Variants in AKR1C3 observed in about 807,000 individuals in gnomAD.
AKR1C3 encodes the protein aldo-keto reductase family 1 member C3.
AKR1C3 carries 48 observed loss-of-function variants against 43.6 expected under a neutral mutation model. The observed-to-expected ratio is 1.10, with a 90% CI of 0.87 to 1.40. AKR1C3 has a LOEUF of 1.40. Ranked by LOEUF, AKR1C3 falls within the 40% of genes most tolerant of loss-of-function variation. The probability of loss-of-function intolerance (pLI) is 0.00; values close to 1 mark genes in which losing one functional copy is unlikely to be tolerated. For missense variants in AKR1C3, 482 were observed against 391.2 expected, an observed-to-expected ratio of 1.23 and a Z score of -1.96; for synonymous variants, 162 against 139.6, an observed-to-expected ratio of 1.16 and a Z score of -1.13.
chr10:5,105,442 T>C (rs1346831574), intron 7 of AKR1C3, 153 bp from the exon 8 acceptor site: 4 of 561,226 alleles, frequency 7.1e-6, no homozygotes, highest in East Asian at 5.9e-5. Context: ...TCGTGAGCTA[T>C]TCATTGACCC....
rs782456698 is a variant in AKR1C3 at position 5,098,859 on chromosome 10, G to A, written c.427G>A (p.Asp143Asn). Reference sequence around the variant, plus strand: ...TGGAAAAGTAATATTTGACATAGTGGATCTCTGTACCACCTGGGAGGTGAG... The same window carrying A: ...TGGAAAAGTAATATTTGACATAGTGAATCTCTGTACCACCTGGGAGGTGAG... ...ENGKVIFDIVDLCTTWEAMEK... is the reference protein window; with the variant it reads ...ENGKVIFDIVNLCTTWEAMEK... The change falls in exon 4 of 9, where the codon GAT (aspartate) becomes AAT (asparagine). Residue 143 changes from aspartate to asparagine, a missense_variant. Coordinates refer to ENST00000380554, the MANE Select transcript of AKR1C3 (RefSeq NM_003739.6). The A allele has an allele frequency of 1.5e-5, 24 of 1,613,442 alleles. No individual in the cohort carries two copies. Among genetic ancestry groups the A allele is most frequent in the Non-Finnish European group, 1.9e-5 (23 of 1,179,736 alleles).
At chr10:5,054,888 C>G (rs9794415) in intron 1 of AKR1C3, among the ~76,000 whole-genome samples, 34,138 of 152,152 alleles carry the variant, frequency 0.22, 4,302 homozygotes, top group Non-Finnish European at 0.28. Context: ...ATGGATTTGA[C>G]AGTGTAAGAC....
At chr10:5,064,824 G>T (rs1362215388) in intron 1 of AKR1C3, among the ~76,000 whole-genome samples, 1 of 150,892 alleles carries the variant, frequency 6.6e-6, no homozygotes, top group African/African-American at 2.4e-5. Flanking sequence ...AAACCACAAT[G>T]AGATACCATC....
chr10:5,101,502 G>C (rs1554785975), intron 5 of AKR1C3, among the ~76,000 whole-genome samples: 2 of 152,204 alleles, frequency 1.3e-5, no homozygotes, highest in East Asian at 3.9e-4. Context: ...AATTTCCTAA[G>C]AGATTACTAT....
intron 1 of AKR1C3, among the ~76,000 whole-genome samples, chr10:5,055,854 G>A (rs374662178): frequency 8.5e-5 from 13 of 152,298 alleles, no homozygotes; most frequent in Middle Eastern, 3.4e-3. Flanking sequence ...TGCTGTATCT[G>A]GGGATCCATA....
intron 5 of AKR1C3, among the ~76,000 whole-genome samples, chr10:5,100,048 T>C (rs1157482271): frequency 6.6e-6 from 1 of 152,158 alleles, no homozygotes; most frequent in Non-Finnish European, 1.5e-5. Flanking sequence ...ATCCCAGCAC[T>C]TTGGGAGGCA....
chr10:5,057,934 A>G (rs1338382088), intron 1 of AKR1C3, among the ~76,000 whole-genome samples: 1 of 152,188 alleles, frequency 6.6e-6, no homozygotes, highest in African/African-American at 2.4e-5. Flanking sequence ...CCTGTAGGAC[A>G]TCTATGTACC....
rs954142079 is a variant in AKR1C3, at chr10:5,099,083, G to C, written c.447+204G>C. ...CAAGACTTGGGGGCAAGGAGGACAG[G>C]AATCTCTTTCCTTGCTTGTGCATTA... On this transcript the variant is annotated intron_variant, in intron 4 of 8. Coordinates refer to ENST00000380554, the MANE Select transcript of AKR1C3 (RefSeq NM_003739.6). Among the ~76,000 whole-genome samples, 4 of 152,174 alleles carry C rather than the reference G, an allele frequency of 2.6e-5. No homozygotes were observed. In the East Asian group the frequency reaches 5.8e-4, roughly 22 times the overall value.
rs374941544 is a variant in AKR1C3, at chr10:5,098,899, G to T, written c.447+20G>T. On this transcript the variant is annotated intron_variant, in intron 4 of 8. Transcript: ENST00000380554. ...TGGGAGGTGAGTGCTTGGCGGAGAG[G>T]ACACAGAGAAGGATGACAAAAAGAG... is the stretch of plus-strand genomic sequence containing the variant. 1.3e-6 allele frequency: 2 copies of T among 1,583,478 alleles called. No homozygotes were observed. The highest frequency in any genetic ancestry group is 1.7e-6 in the Non-Finnish European group (2 of 1,160,340).
intron 1 of AKR1C3, among the ~76,000 whole-genome samples, chr10:5,086,149 C>T (rs1412747237): frequency 2.6e-5 from 4 of 151,756 alleles, no homozygotes; most frequent in South Asian, 2.1e-4. Flanking sequence ...GCTTTTCTAG[C>T]TCTTTTAATT....
chr10:5,093,125 T>C (rs1554784571), upstream of AKR1C3, among the ~76,000 whole-genome samples: 1 of 152,060 alleles, frequency 6.6e-6, no homozygotes, highest in African/African-American at 2.4e-5. Context: ...CACCCCAGCT[T>C]CCCCTCAATG....
intron 1 of AKR1C3, among the ~76,000 whole-genome samples, chr10:5,070,243 T>C (rs1268240925): frequency 6.6e-6 from 1 of 152,228 alleles, no homozygotes; most frequent in Non-Finnish European, 1.5e-5. Context: ...GCCTAGCTTC[T>C]GCTGGAATTT....
At chr10:5,075,954 C>CACAGGTT (rs1554781799) in intron 1 of AKR1C3, among the ~76,000 whole-genome samples, 2 of 151,418 alleles carry the variant, frequency 1.3e-5, no homozygotes. Context: ...GATGGAGGGG[C>CACAGGTT]ACAGGTTGCT....
chr10:5,063,628 AAC>A (rs1554780469), intron 1 of AKR1C3, among the ~76,000 whole-genome samples: 1 of 151,738 alleles, frequency 6.6e-6, no homozygotes, highest in Non-Finnish European at 1.5e-5. Flanking sequence ...CTCTACTAAA[AAC>A]ACAAAATTAA....
At chr10:5,103,586 A>G (rs1436035115) in intron 7 of AKR1C3, among the ~76,000 whole-genome samples, 3 of 152,136 alleles carry the variant, frequency 2.0e-5, no homozygotes, top group Non-Finnish European at 2.9e-5. Flanking sequence ...CAAGATGTCA[A>G]TGGGACATTT....
In AKR1C3 at chr10:5,099,459, C is replaced by G; in HGVS notation, c.570+10C>G. The G allele has an allele frequency of 6.2e-7, 1 of 1,614,138 alleles. No individual in the cohort carries two copies. Among genetic ancestry groups the G allele is most frequent in the Middle Eastern group, 1.6e-4 (1 of 6,062 alleles). ...GCCTGTCTGCAACCAGGTGAGCTCC[C>G]TTGGCCTTCTCTCCTTTCGGTTCTT... On this transcript the variant is annotated intron_variant, in intron 5 of 8. Transcript: ENST00000380554.
At chr10:5,089,784 T>G (rs78279361), upstream of AKR1C3, among the ~76,000 whole-genome samples, 6,384 of 152,300 alleles carry the variant, frequency 0.042, 197 homozygotes, top group Non-Finnish European at 0.061. Flanking sequence ...TGTAATTTTT[T>G]GACAGTACCA....
intron 1 of AKR1C3, among the ~76,000 whole-genome samples, chr10:5,061,008 C>T (rs1292090031): frequency 1.3e-5 from 2 of 152,216 alleles, no homozygotes; most frequent in African/African-American, 4.8e-5. Flanking sequence ...AGCCCCAGTT[C>T]CCTCCCGTGC....
At chr10:5,080,587 G>A (rs1053861442) in intron 1 of AKR1C3, among the ~76,000 whole-genome samples, 1 of 152,112 alleles carries the variant, frequency 6.6e-6, no homozygotes, top group Non-Finnish European at 1.5e-5. Flanking sequence ...TTGTACCACT[G>A]CACCACTCCA....
Sources: gnomAD v4.1 joint callset for allele counts (sites outside exome capture counted in the v4.1 genomes callset) on GRCh38, gnomAD v4.1.1 for gene constraint, MANE v1.5 for transcripts, NCBI Gene and HGNC (gene_info 2026-07-23, HGNC 2026-07-21) for gene names.